The following UBE2E2 variants were observed in gnomAD, a reference collection of about 807,000 sequenced individuals.
UBE2E2 encodes ubiquitin-conjugating enzyme E2 E2.
Under a neutral mutation model 24.7 loss-of-function variants are expected in UBE2E2, and 6 were observed. The ratio of observed to expected loss-of-function variants is 0.24; its 90% CI spans 0.13 to 0.48. The LOEUF (loss-of-function observed/expected upper bound fraction) is 0.48. UBE2E2 is among the 20% of genes least tolerant of loss of function. The pLI, the probability that UBE2E2 is intolerant of heterozygous loss-of-function variation, is 0.99. For synonymous variants in UBE2E2, 104 were observed against 83.6 expected, an observed-to-expected ratio of 1.24 and a Z score of -1.33; for missense variants, 169 against 245.0, an observed-to-expected ratio of 0.69 and a Z score of 2.07.
chr3:23,447,119 A>G (rs1480301817), intron 3 of UBE2E2, among the ~76,000 whole-genome samples: 1 of 152,068 alleles, frequency 6.6e-6, no homozygotes, highest in African/African-American at 2.4e-5. Flanking sequence ...TTTTTTCAGT[A>G]CTTACAACAG....
In UBE2E2 at chr3:23,407,824, A is replaced by G. The variant is rs781350078; in HGVS notation, c.228-91784A>G. 6.6e-6 allele frequency among the ~76,000 whole-genome samples: 1 copy of G among 152,072 alleles called. No homozygotes were observed. The highest frequency in any genetic ancestry group is 2.1e-4 in the South Asian group (1 of 4,826). ...CTTCTGGGAAATAGTTACCAATAAT[A>G]TAGGAAATATAAAAAATTCTGTTTC... On this transcript the variant is annotated intron_variant, in intron 3 of 5. Coordinates refer to ENST00000396703, the MANE Select transcript of UBE2E2 (RefSeq NM_152653.4). The surrounding 1 kb of genome is among the most constrained non-coding windows in gnomAD (Gnocchi z 4.0).
At chr3:23,273,915 A>G (rs1698315905) in intron 3 of UBE2E2, 1 of 152,222 alleles carries the variant, frequency 6.6e-6, no homozygotes, top group Non-Finnish European at 1.5e-5. Context: ...CCATATATGT[A>G]TGCGTGTATG....
chr3:23,273,732 T>C (rs1439736032), intron 3 of UBE2E2: 1 of 152,286 alleles, frequency 6.6e-6, no homozygotes, highest in African/African-American at 2.4e-5. Context: ...TGCTGAATTA[T>C]GAATCATTCT....
At chr3:23,408,955 A>G (rs1011599637) in intron 3 of UBE2E2, among the ~76,000 whole-genome samples, 8 of 152,112 alleles carry the variant, frequency 5.3e-5, no homozygotes, top group South Asian at 2.1e-4. Context: ...CTTAATTCCT[A>G]CTTCTGTGGG....
intron 4 of UBE2E2, among the ~76,000 whole-genome samples, chr3:23,526,854 T>C (rs1196293287): frequency 6.6e-6 from 1 of 152,186 alleles, no homozygotes; most frequent in Admixed American, 6.5e-5. Context: ...TATAAAATAT[T>C]CAAGTTTAAA....
At chr3:23,364,396 GAGAC>G (rs951390629) in intron 3 of UBE2E2, among the ~76,000 whole-genome samples, 1 of 151,768 alleles carries the variant, frequency 6.6e-6, no homozygotes, top group African/African-American at 2.4e-5. Flanking sequence ...AATAGAGAGA[GAGAC>G]AGAAGATCCA....
chr3:23,380,536 T>C (rs1696642580), intron 3 of UBE2E2, among the ~76,000 whole-genome samples: 1 of 152,216 alleles, frequency 6.6e-6, no homozygotes, highest in South Asian at 2.1e-4. Flanking sequence ...CACTTTCTTC[T>C]TTAGCAGGCC....
At chr3:23,358,622 T>G (rs765509447) in intron 3 of UBE2E2, among the ~76,000 whole-genome samples, 2 of 152,234 alleles carry the variant, frequency 1.3e-5, no homozygotes, top group African/African-American at 4.8e-5. Context: ...AATTATAAAT[T>G]ACAAATAATT....
intron 3 of UBE2E2, among the ~76,000 whole-genome samples, chr3:23,339,271 A>G (rs1453140471): frequency 6.6e-6 from 1 of 152,196 alleles, no homozygotes; most frequent in East Asian, 1.9e-4. Context: ...GAACTAAGCA[A>G]CTGTGCCAGA....
At chr3:23,381,606 C>T (rs1262413865) in intron 3 of UBE2E2, among the ~76,000 whole-genome samples, 1 of 152,162 alleles carries the variant, frequency 6.6e-6, no homozygotes, top group Non-Finnish European at 1.5e-5. Flanking sequence ...GCACATGGAG[C>T]ATCACTTATC....
intron 3 of UBE2E2, among the ~76,000 whole-genome samples, chr3:23,346,963 G>A (rs1428208036): frequency 2.6e-5 from 4 of 152,146 alleles, no homozygotes; most frequent in African/African-American, 9.7e-5. Flanking sequence ...CCCTTGAAGT[G>A]GAATTATTCT....
rs183480391 is a variant in UBE2E2 at position 23,367,833 on chromosome 3, G to A, written c.228-131775G>A. ...TTTGTGGGATCTGAAACTACCTCCA[G>A]TTAGGTAGTGTCAGAATTGAATTGG... On this transcript the variant is annotated intron_variant, in intron 3 of 5. Coordinates refer to ENST00000396703, the MANE Select transcript of UBE2E2 (RefSeq NM_152653.4). Among the ~76,000 whole-genome samples the A allele has an allele frequency of 1.4e-3, 207 of 152,226 alleles. 1 individual carries two copies. The highest frequency in any genetic ancestry group is 1.2e-3 in the Non-Finnish European group (84 of 68,024).
chr3:23,244,493 A>G (rs1358131876), intron 3 of UBE2E2, among the ~76,000 whole-genome samples: 9 of 152,162 alleles, frequency 5.9e-5, no homozygotes, highest in African/African-American at 1.9e-4. Context: ...CCAACTTTTT[A>G]TTGTTAGTAC....
At chr3:23,531,053 C>G (rs997082763) in intron 4 of UBE2E2, among the ~76,000 whole-genome samples, 6 of 152,162 alleles carry the variant, frequency 3.9e-5, no homozygotes. Flanking sequence ...CATGGATTAT[C>G]TGGTCTGGCA....
At position 23,474,135 on chromosome 3, in the gene UBE2E2, A is replaced by G. The variant is rs1280750556; in HGVS notation, c.228-25473A>G. On this transcript the variant is annotated intron_variant, in intron 3 of 5. Transcript: ENST00000396703. This position sits in a 1 kb window ranked among gnomAD's most constrained non-coding sequence, Gnocchi z 4.0. ...GGTTTTGATTTGCATTTCCCTGATC[A>G]TTAGTGATGTTGAGCATTTTTTCAT... Among the ~76,000 whole-genome samples, 2 of 151,956 alleles carry G rather than the reference A, an allele frequency of 1.3e-5. No homozygotes were observed. The highest frequency in any genetic ancestry group is 2.4e-5 in the African/African-American group (1 of 41,308).
intron 3 of UBE2E2, among the ~76,000 whole-genome samples, chr3:23,359,909 C>G (rs186791447): frequency 1.1e-4 from 17 of 152,096 alleles, no homozygotes; most frequent in Non-Finnish European, 2.4e-4. Flanking sequence ...AGGATCACAT[C>G]CCTGAATTGT....
intron 3 of UBE2E2, among the ~76,000 whole-genome samples, chr3:23,262,269 T>A (rs561154144): frequency 9.8e-4 from 150 of 152,290 alleles, no homozygotes; most frequent in Non-Finnish European, 1.9e-3. Flanking sequence ...AAATGTGTAT[T>A]CAGGGCTCTT....
chr3:23,351,454 G>T (rs1242895526), intron 3 of UBE2E2, among the ~76,000 whole-genome samples: 3 of 152,230 alleles, frequency 2.0e-5, no homozygotes, highest in Admixed American at 6.5e-5. Flanking sequence ...TGGATAAAGA[G>T]TCAAGACCCA....
intron 3 of UBE2E2, among the ~76,000 whole-genome samples, chr3:23,301,009 C>G (rs989393734): frequency 7.9e-5 from 12 of 152,142 alleles, no homozygotes; most frequent in Non-Finnish European, 1.3e-4. Flanking sequence ...CTCTAAACTT[C>G]TCTTCTCGCT....
Sources: gnomAD v4.1 joint callset for allele counts (sites outside exome capture counted in the v4.1 genomes callset) on GRCh38, gnomAD v4.1.1 for gene constraint, Gnocchi (gnomAD v3.1) non-coding constraint, MANE v1.5 for transcripts, NCBI Gene and HGNC (gene_info 2026-07-23, HGNC 2026-07-21) for gene names.